The following SPMIP3 variants were observed in gnomAD, a reference collection of about 807,000 sequenced individuals.
The protein encoded by SPMIP3 is protein SPMIP3.
At chr1:244,363,851 A>G in the SPMIP3 span, among the ~76,000 whole-genome samples, 3 of 152,210 alleles carry the variant, frequency 2.0e-5, no homozygotes, top group Non-Finnish European at 4.4e-5. Flanking sequence ...TCAAGGCAGC[A>G]GCCTCTGCCT....
At chr1:244,364,854 G>GACT in the SPMIP3 span, 2 of 1,284,870 alleles carry the variant, frequency 1.6e-6, no homozygotes, top group Non-Finnish European at 2.3e-6. Flanking sequence ...GTGGTCCAGA[G>GACT]ACTACTGCCA....
At chr1:244,354,058 G>C in the SPMIP3 span, among the ~76,000 whole-genome samples, 2 of 152,050 alleles carry the variant, frequency 1.3e-5, no homozygotes, top group Admixed American at 1.3e-4. Context: ...CAAGGAAATG[G>C]GGCATTATAA....
the SPMIP3 span, among the ~76,000 whole-genome samples, chr1:244,357,999 G>A: frequency 5.9e-5 from 9 of 152,150 alleles, no homozygotes; most frequent in Admixed American, 5.2e-4. Context: ...GAAGGGGGAG[G>A]ATCACTTGAG....
At chr1:244,372,080 C>T in the SPMIP3 span, among the ~76,000 whole-genome samples, 64 of 152,198 alleles carry the variant, frequency 4.2e-4, 1 homozygote, top group Non-Finnish European at 4.6e-4. Context: ...AGCCCTCATA[C>T]ACTCCACTCA....
chr1:244,371,219 C>T, the SPMIP3 span, among the ~76,000 whole-genome samples: 2 of 152,222 alleles, frequency 1.3e-5, no homozygotes, highest in African/African-American at 4.8e-5. Context: ...AAATCACGCA[C>T]GGTGCCTGCA....
chr1:244,381,110 A>G, the SPMIP3 span, among the ~76,000 whole-genome samples: 2 of 151,974 alleles, frequency 1.3e-5, no homozygotes, highest in East Asian at 1.9e-4. Flanking sequence ...GGCTATGGCA[A>G]TGGAAGCTGG....
At chr1:244,360,075 C>T in the SPMIP3 span, among the ~76,000 whole-genome samples, 1 of 152,070 alleles carries the variant, frequency 6.6e-6, no homozygotes, top group Admixed American at 6.6e-5. Flanking sequence ...CACCACTGCA[C>T]TCCAGCCTGG....
At chr1:244,365,006 T>G in the SPMIP3 span, among the ~76,000 whole-genome samples, 65 of 152,290 alleles carry the variant, frequency 4.3e-4, no homozygotes, top group African/African-American at 1.5e-3. Flanking sequence ...AACAGGGACT[T>G]ACGAACAGAA....
At chr1:244,366,303 G>A in the SPMIP3 span, among the ~76,000 whole-genome samples, 26 of 152,194 alleles carry the variant, frequency 1.7e-4, no homozygotes, top group South Asian at 1.7e-3. Context: ...TTAGTCTCCT[G>A]AGTAGCTAGG....
the SPMIP3 span, among the ~76,000 whole-genome samples, chr1:244,387,511 G>GGA: frequency 0.64 from 96,089 of 151,286 alleles, 31,370 homozygotes; most frequent in African/African-American, 0.79. Context: ...GAGAGTGGGT[G>GGA]TAGACATGTG....
At chr1:244,363,423 C>T in the SPMIP3 span, among the ~76,000 whole-genome samples, 1 of 152,026 alleles carries the variant, frequency 6.6e-6, no homozygotes, top group South Asian at 2.1e-4. Flanking sequence ...AACAAACAAT[C>T]AGATGTGATA....
chr1:244,356,918 CTTTTTTTTTTT>C, the SPMIP3 span, among the ~76,000 whole-genome samples: 2 of 103,784 alleles, frequency 1.9e-5, no homozygotes, highest in Non-Finnish European at 3.7e-5. Flanking sequence ...TTTTCTTTTC[CTTTTTTTTTTT>C]TTTTTTTTTT....
the SPMIP3 span, among the ~76,000 whole-genome samples, chr1:244,370,432 C>CA: frequency 1.3e-5 from 2 of 152,206 alleles, no homozygotes; most frequent in African/African-American, 4.8e-5. Flanking sequence ...AGTTTCTTAT[C>CA]AGGCGTAGCA....
chr1:244,353,119 T>A, the SPMIP3 span, among the ~76,000 whole-genome samples: 1 of 152,206 alleles, frequency 6.6e-6, no homozygotes, highest in Non-Finnish European at 1.5e-5. Flanking sequence ...AAGCACTCCT[T>A]GGACAGCGAA....
chr1:244,367,530 G>T, the SPMIP3 span, among the ~76,000 whole-genome samples: 1 of 152,138 alleles, frequency 6.6e-6, no homozygotes, highest in Non-Finnish European at 1.5e-5. Flanking sequence ...GCGCACTATG[G>T]GCGGAGGGTG....
At chr1:244,386,865 G>C in the SPMIP3 span, among the ~76,000 whole-genome samples, 1 of 152,196 alleles carries the variant, frequency 6.6e-6, no homozygotes, top group African/African-American at 2.4e-5. Context: ...TCTGTTCTGT[G>C]TCAGATGTGG....
the SPMIP3 span, among the ~76,000 whole-genome samples, chr1:244,380,874 T>G: frequency 6.7e-6 from 1 of 148,516 alleles, no homozygotes; most frequent in Non-Finnish European, 1.5e-5. Context: ...GGGGTAGGGG[T>G]GGCAATAGCC....
chr1:244,372,774 G>C, the SPMIP3 span, among the ~76,000 whole-genome samples: 1 of 152,164 alleles, frequency 6.6e-6, no homozygotes, highest in East Asian at 1.9e-4. Context: ...TGACTGCTCA[G>C]AATCTGTGGG....
chr1:244,357,131 A>G, the SPMIP3 span, among the ~76,000 whole-genome samples: 1 of 151,892 alleles, frequency 6.6e-6, no homozygotes, highest in Non-Finnish European at 1.5e-5. Context: ...CATGTTGCCC[A>G]GGCTGATCTC....
Sources: gnomAD v4.1 joint callset for allele counts (sites outside exome capture counted in the v4.1 genomes callset) on GRCh38, gnomAD v4.1.1 for gene constraint, MANE v1.5 for transcripts, NCBI Gene and HGNC (gene_info 2026-07-23, HGNC 2026-07-21) for gene names.